FOXN3: variants seen among roughly 807,000 people sequenced by gnomAD.
FOXN3 encodes the protein forkhead box protein N3.
A neutral mutation model predicts 38.4 loss-of-function variants in FOXN3; 7 were observed. The ratio of observed to expected loss-of-function variants is 0.18; its 90% confidence interval spans 0.10 to 0.34. FOXN3 has a LOEUF of 0.34. Ranked by LOEUF, FOXN3 falls within the 10% of genes least tolerant of loss-of-function variation. FOXN3 has a pLI of 1.00. For missense variants in FOXN3, 456 were observed against 613.4 expected, an observed-to-expected ratio of 0.74 and a Z score of 2.71; for synonymous variants, 230 against 242.2, an observed-to-expected ratio of 0.95 and a Z score of 0.47.
intron 5 of FOXN3, among the ~76,000 whole-genome samples, chr14:89,168,946 AG>A (rs2139781121): frequency 6.6e-6 from 1 of 152,356 alleles, no homozygotes; most frequent in African/African-American, 2.4e-5. Flanking sequence ...TTCTCAAGAG[AG>A]AAAATAACTG....
At chr14:89,409,075 A>T (rs1891465268) in intron 2 of FOXN3, among the ~76,000 whole-genome samples, 1 of 152,188 alleles carries the variant, frequency 6.6e-6, no homozygotes, top group Non-Finnish European at 1.5e-5. Flanking sequence ...GGAACCCAAG[A>T]AAGAGGAGAA....
intron 2 of FOXN3, among the ~76,000 whole-genome samples, chr14:89,406,438 T>C (rs1266796466): frequency 6.6e-6 from 1 of 151,986 alleles, no homozygotes; most frequent in African/African-American, 2.4e-5. Context: ...AATCAATAAT[T>C]TTTAAAAAGT....
At chr14:89,417,951 G>C (rs1040946720), upstream of FOXN3, among the ~76,000 whole-genome samples, 3 of 152,232 alleles carry the variant, frequency 2.0e-5, no homozygotes, top group Non-Finnish European at 4.4e-5. Flanking sequence ...AGAGAAAACA[G>C]GTCTCATTTC....
At chr14:89,584,410 A>G (rs1895805535) in intron 1 of FOXN3, among the ~76,000 whole-genome samples, 2 of 152,060 alleles carry the variant, frequency 1.3e-5, no homozygotes. Flanking sequence ...TGATAAATAA[A>G]TAATAAATAA....
chr14:89,618,899 G>C (rs192398459), intron 1 of FOXN3: 2 of 152,272 alleles, frequency 1.3e-5, no homozygotes, highest in Admixed American at 6.6e-5. Flanking sequence ...GTGGAAATAG[G>C]GGGGCGGACA....
chr14:89,388,054 T>G (rs932685580), intron 2 of FOXN3, among the ~76,000 whole-genome samples: 1 of 152,150 alleles, frequency 6.6e-6, no homozygotes, highest in Admixed American at 6.5e-5. Context: ...CGTGGTGGCG[T>G]GCACCTGTAG....
At chr14:89,589,081 A>C (rs1243771364) in intron 1 of FOXN3, among the ~76,000 whole-genome samples, 1 of 152,206 alleles carries the variant, frequency 6.6e-6, no homozygotes, top group African/African-American at 2.4e-5. Context: ...CTATAAACCA[A>C]GTCAAGGTCG....
chr14:89,334,641 C>A (rs1007270064), intron 3 of FOXN3, among the ~76,000 whole-genome samples: 1 of 95,000 alleles, frequency 1.1e-5, no homozygotes, highest in Non-Finnish European at 2.7e-5. Flanking sequence ...AATAAAAGCC[C>A]TAGAGACCTA....
chr14:89,354,543 T>TAAA lies in FOXN3; in HGVS notation c.544-3738_544-3736dup, dbSNP rs760406905. Among the ~76,000 whole-genome samples the TAAA allele has an allele frequency of 8.3e-3, 1,006 of 121,566 alleles. 11 individuals carry two copies. Among genetic ancestry groups the TAAA allele is most frequent in the African/African-American group, 0.03 (955 of 32,360 alleles). 79.8% of individuals were successfully genotyped at this position (121,566 alleles called of 152,430 possible). A position where few individuals can be genotyped will look rare whatever the true frequency, so the allele number is the denominator to read the frequency against. ...CGCCCGGCCGTGGAGTGCTTTTTAT[T>TAAA]AAAAAAAAAAAAAAAAAAGAAAAGA... On this transcript the variant is annotated intron_variant, in intron 2 of 5. Coordinates refer to ENST00000557258, the MANE Select transcript of FOXN3 (RefSeq NM_005197.4).
chr14:89,452,462 C>T (rs1317983263), intron 1 of FOXN3, among the ~76,000 whole-genome samples: 1 of 152,170 alleles, frequency 6.6e-6, no homozygotes, highest in African/African-American at 2.4e-5. Context: ...CTAATGTGGA[C>T]ACAGGAGGTG....
chr14:89,333,478 G>A (rs1414841829), intron 3 of FOXN3, among the ~76,000 whole-genome samples: 2 of 150,484 alleles, frequency 1.3e-5, no homozygotes, highest in African/African-American at 2.4e-5. Flanking sequence ...GTTCCTTAGA[G>A]TATTAAAAAC....
At chr14:89,466,135 C>T (rs1189897209) in intron 1 of FOXN3, among the ~76,000 whole-genome samples, 1 of 152,222 alleles carries the variant, frequency 6.6e-6, no homozygotes, top group Non-Finnish European at 1.5e-5. Context: ...TTCCAGCCTC[C>T]AGCAACGACT....
intron 3 of FOXN3, among the ~76,000 whole-genome samples, chr14:89,320,606 G>A (rs1270826372): frequency 6.6e-6 from 1 of 152,216 alleles, no homozygotes; most frequent in Non-Finnish European, 1.5e-5. Context: ...TATCAGCAGT[G>A]AGACAAACCC....
intron 4 of FOXN3, among the ~76,000 whole-genome samples, chr14:89,270,903 C>T (rs189454497): frequency 1.0e-3 from 159 of 152,274 alleles, no homozygotes; most frequent in Non-Finnish European, 1.9e-3. Context: ...CTGTGTGTCA[C>T]GACTCACAAA....
chr14:89,480,487 G>C (rs948800564), intron 1 of FOXN3, among the ~76,000 whole-genome samples: 1 of 151,854 alleles, frequency 6.6e-6, no homozygotes, highest in Admixed American at 6.6e-5. Flanking sequence ...AACCTGGCCA[G>C]CTGGCTCTGT....
At chr14:89,383,029 G>GTTTTTTTTTTT (rs57032907) in intron 2 of FOXN3, among the ~76,000 whole-genome samples, 9 of 92,514 alleles carry the variant, frequency 9.7e-5, no homozygotes, top group Admixed American at 1.5e-4. Context: ...TTTGGGTGGT[G>GTTTTTTTTTTT]TTTTTTTTTT....
At chr14:89,603,644 A>G (rs1896205782) in intron 1 of FOXN3, among the ~76,000 whole-genome samples, 2 of 152,234 alleles carry the variant, frequency 1.3e-5, no homozygotes, top group Admixed American at 1.3e-4. Flanking sequence ...GTACCTGTCC[A>G]ATCCTCCAAC....
intron 3 of FOXN3, among the ~76,000 whole-genome samples, chr14:89,339,153 TA>T (rs963425274): frequency 2.0e-5 from 3 of 152,152 alleles, no homozygotes; most frequent in African/African-American, 7.2e-5. Flanking sequence ...TTGTTCTTTT[TA>T]GGAGAGACGA....
At chr14:89,489,682 T>C (rs1036773140) in intron 1 of FOXN3, among the ~76,000 whole-genome samples, 1 of 152,324 alleles carries the variant, frequency 6.6e-6, no homozygotes, top group South Asian at 2.1e-4. Context: ...CATTTACTAA[T>C]TTATTTCCAT....
Sources: gnomAD v4.1 joint callset for allele counts (sites outside exome capture counted in the v4.1 genomes callset) on GRCh38, gnomAD v4.1.1 for gene constraint, MANE v1.5 for transcripts, NCBI Gene and HGNC (gene_info 2026-07-23, HGNC 2026-07-21) for gene names.